The following CCSER2 variants were observed in gnomAD, a reference collection of about 807,000 sequenced individuals.
CCSER2 encodes the protein coiled-coil serine rich protein 2.
In CCSER2, 46 loss-of-function variants were observed where a neutral mutation model predicts 92.3. The ratio of observed to expected loss-of-function variants is 0.50; its 90% CI spans 0.39 to 0.64. The LOEUF is 0.64. Ranked by LOEUF, CCSER2 falls within the 30% of genes least tolerant of loss-of-function variation. The pLI, the probability that CCSER2 is intolerant of heterozygous loss-of-function variation, is 0.00. For missense variants in CCSER2, 1,244 were observed against 1,238.9 expected (o/e 1.00, Z -0.06); for synonymous variants, 433 against 431.4 (o/e 1.00, Z -0.04).
intron 4 of CCSER2, among the ~76,000 whole-genome samples, chr10:84,423,982 T>TAAAA (rs3044102): frequency 2.2e-4 from 24 of 108,172 alleles, no homozygotes; most frequent in Non-Finnish European, 2.9e-4. Flanking sequence ...CCCCATCTCT[T>TAAAA]AAAAAAAAAA....
intron 4 of CCSER2, among the ~76,000 whole-genome samples, chr10:84,423,134 A>G (rs113084602): frequency 2.4e-4 from 37 of 151,838 alleles, no homozygotes; most frequent in African/African-American, 7.7e-4. Flanking sequence ...TTTCTTCTCT[A>G]TTGTTTCAGT....
At chr10:84,489,000 A>C (rs557179274) in intron 9 of CCSER2, among the ~76,000 whole-genome samples, 1 of 152,330 alleles carries the variant, frequency 6.6e-6, no homozygotes, top group Non-Finnish European at 1.5e-5. Context: ...TTATGTACCC[A>C]GTAGTCATTC....
intron 7 of CCSER2, among the ~76,000 whole-genome samples, chr10:84,468,331 A>G (rs1191672325): frequency 6.6e-6 from 1 of 152,202 alleles, no homozygotes; most frequent in Non-Finnish European, 1.5e-5. Context: ...TATATATAAA[A>G]TCAGTGTTCC....
At chr10:84,367,385 T>TG (rs1845830207) in intron 1 of CCSER2, among the ~76,000 whole-genome samples, 1 of 151,832 alleles carries the variant, frequency 6.6e-6, no homozygotes, top group Admixed American at 6.6e-5. Context: ...CTCGATACTT[T>TG]TTTTTTTTTG....
chr10:84,361,700 G>A (rs1475693184), intron 1 of CCSER2, among the ~76,000 whole-genome samples: 1 of 151,228 alleles, frequency 6.6e-6, no homozygotes, highest in Non-Finnish European at 1.5e-5. Flanking sequence ...AGAGTGCAGT[G>A]GTGCAATCTC....
intron 9 of CCSER2, among the ~76,000 whole-genome samples, chr10:84,508,801 G>T (rs1849200405): frequency 6.6e-6 from 1 of 152,084 alleles, no homozygotes; most frequent in Non-Finnish European, 1.5e-5. Flanking sequence ...TTGTTTCGAA[G>T]ACCCAGTTAC....
At chr10:84,383,503 G>A (rs918773853) in intron 3 of CCSER2, among the ~76,000 whole-genome samples, 1 of 151,914 alleles carries the variant, frequency 6.6e-6, no homozygotes, top group African/African-American at 2.4e-5. Context: ...GTAGAGACGG[G>A]GTTTCACCAT....
In CCSER2 at chr10:84,371,305, A is replaced by C. The variant is rs1447862912; in HGVS notation, c.253A>C (p.Thr85Pro). 1 of 1,613,680 alleles carries C rather than the reference A, an allele frequency of 6.2e-7. No homozygotes were observed. ...ACAAGGTGTCGAAGAGCCTAACAAT[A>C]CTCAAAATTCACATGATAAAATAAT... ...CAQGVEEPNN[T>P]QNSHDKIIDP... is the part of the protein sequence containing the mutation. Residue 85 changes from threonine to proline, a missense_variant, in exon 2 of 10, where the codon ACT becomes CCT. By Grantham distance (38) the Thr-to-Pro change is conservative. Transcript: ENST00000372088.
At chr10:84,421,266 T>C (rs921834587) in intron 4 of CCSER2, among the ~76,000 whole-genome samples, 2 of 152,182 alleles carry the variant, frequency 1.3e-5, no homozygotes, top group Non-Finnish European at 2.9e-5. Context: ...GAGACTGTTA[T>C]TGGAGGAAAG....
chr10:84,336,412 A>T (rs1294040125), intron 1 of CCSER2, among the ~76,000 whole-genome samples: 1 of 152,250 alleles, frequency 6.6e-6, no homozygotes, highest in Non-Finnish European at 1.5e-5. Context: ...GAAGAGGTGA[A>T]AAGAACATGT....
chr10:84,421,136 T>A (rs1476430613), intron 4 of CCSER2, among the ~76,000 whole-genome samples: 2 of 152,102 alleles, frequency 1.3e-5, no homozygotes, highest in Non-Finnish European at 2.9e-5. Flanking sequence ...AGGAGAGTAT[T>A]TTTCTGGTGA....
chr10:84,406,097 A>T (rs1208817003), intron 3 of CCSER2, among the ~76,000 whole-genome samples: 1 of 152,262 alleles, frequency 6.6e-6, no homozygotes, highest in African/African-American at 2.4e-5. Flanking sequence ...GCAGTGGAAT[A>T]GTACTCAGCA....
At chr10:84,418,742 A>G (rs774614530) in intron 4 of CCSER2, among the ~76,000 whole-genome samples, 9 of 152,272 alleles carry the variant, frequency 5.9e-5, no homozygotes, top group African/African-American at 9.6e-5. Context: ...TATTTGTCAT[A>G]CTGGTGAGGC....
At chr10:84,511,589 A>G (rs777698098) in intron 9 of CCSER2, among the ~76,000 whole-genome samples, 1 of 152,218 alleles carries the variant, frequency 6.6e-6, no homozygotes, top group Admixed American at 6.5e-5. Flanking sequence ...ACTTGGAACT[A>G]GAATATCTTA....
chr10:84,421,775 G>T (rs1458176625), intron 4 of CCSER2, among the ~76,000 whole-genome samples: 1 of 152,090 alleles, frequency 6.6e-6, no homozygotes, highest in Non-Finnish European at 1.5e-5. Flanking sequence ...AATCAAAATG[G>T]TACATGACAC....
chr10:84,465,077 A>G (rs1846312828), intron 7 of CCSER2, among the ~76,000 whole-genome samples: 1 of 151,948 alleles, frequency 6.6e-6, no homozygotes, highest in African/African-American at 2.4e-5. Flanking sequence ...TCCTACTCTC[A>G]GTATAATACA....
intron 1 of CCSER2, among the ~76,000 whole-genome samples, chr10:84,349,051 AT>A (rs975388618): frequency 3.3e-5 from 5 of 151,034 alleles, no homozygotes; most frequent in East Asian, 1.9e-4. Flanking sequence ...TTGTATTCCA[AT>A]TTTTTTTTCA....
chr10:84,436,371 C>CAAGCCTGCAAGCCTGT (rs1238867153), intron 5 of CCSER2, among the ~76,000 whole-genome samples: 2 of 103,122 alleles, frequency 1.9e-5, no homozygotes, highest in East Asian at 6.7e-4. Flanking sequence ...CGCGGTGTCT[C>CAAGCCTGCAAGCCTGT]AAGCCTGTCA....
intron 5 of CCSER2, 102 bp from the exon 6 acceptor site, chr10:84,438,410 T>C: frequency 1.5e-6 from 1 of 687,928 alleles, no homozygotes; most frequent in Non-Finnish European, 2.4e-6. Context: ...GTGATAATGA[T>C]AAGTGATTTG....
Sources: gnomAD v4.1 joint callset for allele counts (sites outside exome capture counted in the v4.1 genomes callset) on GRCh38, gnomAD v4.1.1 for gene constraint, MANE v1.5 for transcripts, NCBI Gene and HGNC (gene_info 2026-07-23, HGNC 2026-07-21) for gene names.